Variants in CCDC180 observed in about 807,000 individuals in gnomAD.
CCDC180 encodes coiled-coil domain-containing protein 180.
In CCDC180, 154 loss-of-function variants were observed where a neutral mutation model predicts 209.2. The ratio of observed to expected loss-of-function variants is 0.74; its 90% confidence interval spans 0.65 to 0.84. CCDC180 has a LOEUF of 0.84. Ranked by LOEUF, CCDC180 falls within the 40% of genes least tolerant of loss-of-function variation. The pLI, the probability that CCDC180 is intolerant of heterozygous loss-of-function variation, is 0.00. For missense variants in CCDC180, 1,874 were observed against 1,997.3 expected (o/e 0.94, Z 1.18); for synonymous variants, 778 against 749.1 (o/e 1.04, Z -0.63).
Position 97,330,337 on chromosome 9 carries a change from C to G in CCDC180, c.1844C>G (p.Pro615Arg), listed in dbSNP as rs780152308. 2.5e-5 allele frequency: 40 copies of G among 1,612,948 alleles called. No homozygotes were observed. Among genetic ancestry groups the G allele is most frequent in the Non-Finnish European group, 3.1e-5 (36 of 1,179,576 alleles). The change falls in exon 18 of 37, where the codon CCC becomes CGC. Residue 615 changes from proline (P) to arginine (R), a missense_variant. Physicochemically the swap from Pro to Arg is moderately radical, Grantham distance 103 (BLOSUM62 -2). Coordinates refer to ENST00000529487, the MANE Select transcript of CCDC180 (RefSeq NM_020893.6). ...TCATCAACAGAAGCACATGAAAAAC[C>G]CTCCCAGAAGAGAGTGAAAAAACTG... is the stretch of plus-strand genomic sequence containing the variant. ...KFRQPEAHEKPSQKRVKKLRK... is the reference protein window; with the variant it reads ...KFRQPEAHEKRSQKRVKKLRK...
chr9:97,322,368 C>T (rs779730985), intron 11 of CCDC180, among the ~76,000 whole-genome samples: 4 of 152,166 alleles, frequency 2.6e-5, no homozygotes, highest in Non-Finnish European at 4.4e-5. Context: ...TTATCCTAGA[C>T]ATCAGAGTCA....
At chr9:97,354,545 T>C in intron 22 of CCDC180, 24 bp from the exon 23 acceptor site, 7 of 1,613,474 alleles carry the variant, frequency 4.3e-6, no homozygotes, top group Non-Finnish European at 5.9e-6. Flanking sequence ...TCTGTGGCTT[T>C]TATTTGTCTT....
At chr9:97,374,345 T>G in intron 34 of CCDC180, 198 bp from the exon 35 acceptor site, 6 of 566,330 alleles carry the variant, frequency 1.1e-5, no homozygotes, top group Non-Finnish European at 1.9e-5. Flanking sequence ...CCTCCATCCA[T>G]GACCCCCTGC....
Position 97,376,994 on chromosome 9 carries a change from C to G in CCDC180, c.*100C>G. The G allele has an allele frequency of 7.3e-7, 1 of 1,367,364 alleles. No homozygotes were observed. Among genetic ancestry groups the G allele is most frequent in the Non-Finnish European group, 1.0e-6 (1 of 1,003,862 alleles). 84.7% of individuals were successfully genotyped at this position (1,367,364 alleles called of 1,614,324 possible). ...CCGTCCATCCCTCCCTCCCTTCATC[C>G]CTCCACCCCTGCTCTGTGCCGGGCA... is the stretch of plus-strand genomic sequence containing the variant. On this transcript the variant is annotated 3_prime_UTR_variant, in exon 37 of 37. Transcript: ENST00000529487.
chr9:97,337,462 C>T lies in CCDC180; in HGVS notation c.2275-5878C>T, dbSNP rs1316836896. On this transcript the variant is annotated intron_variant, in intron 18 of 36. Coordinates refer to ENST00000529487, the MANE Select transcript of CCDC180 (RefSeq NM_020893.6). Reference sequence around the variant, plus strand: ...TTGGTTCTGTTTATGTGATGGATTACGTTTATTGATTTGCGTATGTTGAAC... The same window carrying T: ...TTGGTTCTGTTTATGTGATGGATTATGTTTATTGATTTGCGTATGTTGAAC... 2.6e-5 allele frequency among the ~76,000 whole-genome samples: 4 copies of T among 152,050 alleles called. No homozygotes were observed. In the East Asian group the frequency reaches 5.8e-4, roughly 22 times the overall value.
rs546545030 is a variant in CCDC180, at chr9:97,366,742, C to T, written c.4189+42C>T. On this transcript the variant is annotated intron_variant, in intron 31 of 36. Transcript: ENST00000529487. This position sits in a 1 kb window ranked among gnomAD's most constrained non-coding sequence, Gnocchi z 4.3. The stretch of plus-strand genomic sequence containing the variant: ...GGAAGGCACGGGGAACAGGGCGGGG[C>T]GCGAAGCCAGTGGTGGAGCTCGGCC... 5 of 1,601,794 alleles carry T rather than the reference C, an allele frequency of 3.1e-6. No individual in the cohort carries two copies. The highest frequency in any genetic ancestry group is 4.3e-6 in the Non-Finnish European group (5 of 1,173,494).
Position 97,323,907 on chromosome 9 carries a change from C to T in CCDC180, c.1371+4C>T, listed in dbSNP as rs960477632. The stretch of plus-strand genomic sequence containing the variant: ...GGAGGACCTGGAGCTCTTGGACGTG[C>T]GTGCTGGGGACTGTTCCACTGGGGA... On this transcript the variant is annotated splice_donor_region_variant and intron_variant, in intron 13 of 36. Coordinates refer to ENST00000529487, the MANE Select transcript of CCDC180 (RefSeq NM_020893.6). 7.1e-6 allele frequency: 11 copies of T among 1,552,634 alleles called. No homozygotes were observed. Among genetic ancestry groups the T allele is most frequent in the Non-Finnish European group, 8.7e-6 (10 of 1,147,904 alleles).
rs964720393 is a variant in CCDC180, at chr9:97,347,393, A to G, written c.2578A>G (p.Lys860Glu). The change falls in exon 20 of 37, where the codon AAA (lysine) becomes GAA (glutamate). Residue 860 changes from lysine to glutamate, a missense_variant. Transcript: ENST00000529487. ...SLNTRVTVATKINELDSELEL... is the reference protein window; with the variant it reads ...SLNTRVTVATEINELDSELEL... ...CAACACCCGGGTCACCGTGGCCACC[A>G]AAATCAATGAGCTGGATTCAGAACT... 6 of 1,536,010 alleles carry G rather than the reference A, an allele frequency of 3.9e-6. No homozygotes were observed. The highest frequency in any genetic ancestry group is 5.2e-6 in the Non-Finnish European group (6 of 1,146,904).
At chr9:97,365,647 A>G (rs1172218928) in intron 29 of CCDC180, 26 bp from the exon 30 acceptor site, 2 of 1,609,742 alleles carry the variant, frequency 1.2e-6, no homozygotes. Flanking sequence ...CAGGCCCCTC[A>G]GGGATCTGTC....
chr9:97,314,500 C>T lies in CCDC180; in HGVS notation c.567C>T (p.Asn189=), dbSNP rs555209769. ...RLFLKVENDT[N]LEDYTIQALL... ...TCCTAAAGGTGGAAAATGACACCAACCTTGAGGACTACACCATCCAAGTAG... is the reference window on the plus strand; with the variant it reads ...TCCTAAAGGTGGAAAATGACACCAATCTTGAGGACTACACCATCCAAGTAG... Residue 189 remains asparagine (N), a synonymous_variant, in exon 6 of 37, where the codon AAC becomes AAT. Coordinates refer to ENST00000529487, the MANE Select transcript of CCDC180 (RefSeq NM_020893.6). 22 of 1,614,158 alleles carry T rather than the reference C, an allele frequency of 1.4e-5. No individual in the cohort carries two copies. In the South Asian group the frequency reaches 1.4e-4, roughly 10 times the overall value.
chr9:97,349,055 A>C, intron 20 of CCDC180, 56 bp from the exon 21 acceptor site: 1 of 1,473,818 alleles, frequency 6.8e-7, no homozygotes, highest in Non-Finnish European at 9.0e-7. Context: ...CCAGGAAAGC[A>C]ATGTGCTGAG....
intron 26 of CCDC180, 149 bp from the exon 27 acceptor site, chr9:97,361,577 G>C: frequency 1.5e-6 from 1 of 668,156 alleles, no homozygotes; most frequent in Non-Finnish European, 2.5e-6. Context: ...TCACTTTACA[G>C]AGGAGAAAAT....
intron 5 of CCDC180, 125 bp downstream of exon 5, chr9:97,313,470 C>A: frequency 1.6e-6 from 1 of 608,734 alleles, no homozygotes; most frequent in Non-Finnish European, 2.9e-6. Context: ...GAGCCTTAGA[C>A]GACATGGAAC....
rs1387189124 is a variant in CCDC180 at position 97,370,725 on chromosome 9, G to A, written c.4435G>A (p.Glu1479Lys). 6.2e-7 allele frequency: 1 copy of A among 1,614,152 alleles called. No homozygotes were observed. Among genetic ancestry groups the A allele is most frequent in the Non-Finnish European group, 8.5e-7 (1 of 1,180,002 alleles). ...EMESLHLSEEERQEELDSMIR... is the reference protein window; with the variant it reads ...EMESLHLSEEKRQEELDSMIR... ...GGAGTCTCTACACTTAAGTGAAGAG[G>A]AAAGGCAGGAAGAGCTGGACAGCAT... Residue 1479 changes from glutamate (E) to lysine (K), a missense_variant, in exon 33 of 37, where the codon GAA (glutamate) becomes AAA (lysine). Transcript: ENST00000529487.
At chr9:97,313,732 C>T (rs986625983) in intron 5 of CCDC180, among the ~76,000 whole-genome samples, 1 of 152,204 alleles carries the variant, frequency 6.6e-6, no homozygotes, top group Non-Finnish European at 1.5e-5. Context: ...GCTGATAGCC[C>T]AGCTCTGCTG....
Position 97,364,146 on chromosome 9 carries a change from TC to T in CCDC180, c.3980+20del. ...GCTGCCGAGTGAGTAACAACGCCTT[TC>T]CTTTTGACTGCATTTAACCTGTTTT... On this transcript the variant is annotated intron_variant, in intron 29 of 36. Transcript: ENST00000529487. 1 of 1,612,558 alleles carries T rather than the reference TC, an allele frequency of 6.2e-7. No individual in the cohort carries two copies. Among genetic ancestry groups the T allele is most frequent in the Non-Finnish European group, 8.5e-7 (1 of 1,178,896 alleles).
At chr9:97,313,678 C>T (rs1407986899) in intron 5 of CCDC180, among the ~76,000 whole-genome samples, 1 of 152,204 alleles carries the variant, frequency 6.6e-6, no homozygotes, top group Non-Finnish European at 1.5e-5. Context: ...CCTTCGGCCT[C>T]CCTGCTCAGT....
intron 24 of CCDC180, among the ~76,000 whole-genome samples, chr9:97,357,271 T>G (rs1826609758): frequency 6.6e-6 from 1 of 152,064 alleles, no homozygotes; most frequent in South Asian, 2.1e-4. Flanking sequence ...CAGGACAATC[T>G]GACTGCATCC....
chr9:97,367,537 A>G (rs979721712), intron 31 of CCDC180, among the ~76,000 whole-genome samples: 4 of 150,684 alleles, frequency 2.7e-5, no homozygotes, highest in Non-Finnish European at 4.4e-5. Flanking sequence ...CACGATCCGC[A>G]ATCTCGGCTC....
Sources: gnomAD v4.1 joint callset for allele counts (sites outside exome capture counted in the v4.1 genomes callset) on GRCh38, gnomAD v4.1.1 for gene constraint, Gnocchi (gnomAD v3.1) non-coding constraint, MANE v1.5 for transcripts, NCBI Gene and HGNC (gene_info 2026-07-23, HGNC 2026-07-21) for gene names.